The following NXPE4 variants were observed in gnomAD, a reference collection of about 807,000 sequenced individuals.
The protein encoded by NXPE4 is NXPE family member 4.
Under a neutral mutation model 33.3 loss-of-function variants are expected in NXPE4, and 42 were observed. That is an observed-to-expected ratio of 1.26 (90% confidence interval 0.98 to 1.63). The LOEUF (loss-of-function observed/expected upper bound fraction) is 1.63, where lower values mean the gene tolerates loss of function less well. Ranked by LOEUF, NXPE4 falls within the 40% of genes most tolerant of loss-of-function variation. NXPE4 has a pLI of 0.00. For synonymous variants in NXPE4, 253 were observed against 234.9 expected, an observed-to-expected ratio of 1.08 and a Z score of -0.71; for missense variants, 709 against 647.6, an observed-to-expected ratio of 1.09 and a Z score of -1.03.
At chr11:114,638,293 G>T in the NXPE4 span, among the ~76,000 whole-genome samples, 2 of 151,724 alleles carry the variant, frequency 1.3e-5, no homozygotes, top group African/African-American at 4.8e-5. Flanking sequence ...TGTAGTTCTC[G>T]AGCCTTGGTT....
At chr11:114,648,440 T>A in the NXPE4 span, among the ~76,000 whole-genome samples, 2 of 152,206 alleles carry the variant, frequency 1.3e-5, no homozygotes, top group African/African-American at 4.8e-5. Flanking sequence ...TTTGTTCTAT[T>A]CAGGCTTTCA....
intron 5 of NXPE4, among the ~76,000 whole-genome samples, chr11:114,577,197 C>G (rs919471609): frequency 2.0e-5 from 3 of 148,728 alleles, no homozygotes; most frequent in Non-Finnish European, 4.4e-5. Flanking sequence ...TATACACACA[C>G]ACTGTGGAAT....
chr11:114,656,797 T>C, the NXPE4 span, among the ~76,000 whole-genome samples: 1 of 152,022 alleles, frequency 6.6e-6, no homozygotes, highest in African/African-American at 2.4e-5. Context: ...AAATAGTAAC[T>C]AGTAGTAGTA....
chr11:114,608,975 C>T, the NXPE4 span, among the ~76,000 whole-genome samples: 3 of 151,866 alleles, frequency 2.0e-5, no homozygotes, highest in Admixed American at 6.6e-5. Flanking sequence ...AGTGTTGCCT[C>T]GTGGGTAACC....
chr11:114,633,328 T>C, the NXPE4 span, among the ~76,000 whole-genome samples: 1 of 141,894 alleles, frequency 7.0e-6, no homozygotes, highest in Non-Finnish European at 1.5e-5. Flanking sequence ...TATTATGTGG[T>C]ATTACATTTT....
the NXPE4 span, among the ~76,000 whole-genome samples, chr11:114,617,454 C>T: frequency 6.6e-6 from 1 of 152,004 alleles, no homozygotes; most frequent in East Asian, 1.9e-4. Context: ...TCGTGGATAA[C>T]CACTGTTATC....
intron 2 of NXPE4, among the ~76,000 whole-genome samples, chr11:114,588,590 C>T (rs1162654680): frequency 6.6e-6 from 1 of 152,126 alleles, no homozygotes; most frequent in Non-Finnish European, 1.5e-5. Context: ...CCATCATTCC[C>T]AATACGAAGA....
chr11:114,657,357 T>C, the NXPE4 span, among the ~76,000 whole-genome samples: 1 of 152,208 alleles, frequency 6.6e-6, no homozygotes, highest in African/African-American at 2.4e-5. Flanking sequence ...TACATCTTTA[T>C]TTTTCACTAA....
At chr11:114,583,046 G>T in intron 2 of NXPE4, 25 bp from the exon 3 acceptor site, 1 of 1,583,126 alleles carries the variant, frequency 6.3e-7, no homozygotes, top group South Asian at 1.2e-5. Flanking sequence ...AATGTGACAT[G>T]AGATGGATAA....
At chr11:114,667,014 C>T in the NXPE4 span, among the ~76,000 whole-genome samples, 2 of 152,104 alleles carry the variant, frequency 1.3e-5, no homozygotes, top group Admixed American at 6.6e-5. Flanking sequence ...CAACATCTAA[C>T]GTCCTCACTT....
the NXPE4 span, among the ~76,000 whole-genome samples, chr11:114,644,196 T>C: frequency 6.6e-6 from 1 of 152,166 alleles, no homozygotes; most frequent in African/African-American, 2.4e-5. Context: ...TCATGGCATC[T>C]GCAAACAGAG....
At position 114,580,190 on chromosome 11, in the gene NXPE4, G is replaced by A. The variant is rs765026612; in HGVS notation, c.1041C>T (p.Tyr347=). The part of the protein sequence containing the change: ...MKECLRGKLI[Y]LMGDSTIRQW... Reference sequence around the variant, plus strand: ...GGCGGATCGTGGAATCTCCCATTAGGTATATGAGTTTTCCTCTCAGGCATT... The same window carrying A: ...GGCGGATCGTGGAATCTCCCATTAGATATATGAGTTTTCCTCTCAGGCATT... The change falls in exon 5 of 6, where the codon TAC becomes TAT. Residue 347 remains tyrosine, a synonymous_variant. Transcript: ENST00000375478. 1 of 1,614,026 alleles carries A rather than the reference G, an allele frequency of 6.2e-7. No homozygotes were observed. The highest frequency in any genetic ancestry group is 1.1e-5 in the South Asian group (1 of 91,078).
chr11:114,635,926 C>A, the NXPE4 span, among the ~76,000 whole-genome samples: 1 of 151,974 alleles, frequency 6.6e-6, no homozygotes, highest in South Asian at 2.1e-4. Context: ...CTAAAATTCT[C>A]TTTTTTGGTG....
the NXPE4 span, among the ~76,000 whole-genome samples, chr11:114,638,037 T>C: frequency 2.6e-5 from 4 of 151,784 alleles, no homozygotes; most frequent in Non-Finnish European, 1.5e-5. Flanking sequence ...GAAGTTCTCC[T>C]GGATAATATC....
the NXPE4 span, among the ~76,000 whole-genome samples, chr11:114,601,277 T>C: frequency 6.7e-6 from 1 of 150,210 alleles, no homozygotes; most frequent in South Asian, 2.1e-4. Context: ...CAAAATCCAT[T>C]ATACCACTCT....
the NXPE4 span, among the ~76,000 whole-genome samples, chr11:114,647,005 C>T: frequency 4.6e-5 from 7 of 152,306 alleles, no homozygotes; most frequent in South Asian, 2.1e-4. Context: ...GAGACACTGA[C>T]GGCACACCTT....
chr11:114,590,125 C>T (rs1405154361), intron 2 of NXPE4, among the ~76,000 whole-genome samples: 2 of 152,184 alleles, frequency 1.3e-5, no homozygotes, highest in African/African-American at 4.8e-5. Flanking sequence ...TTTGGACAGG[C>T]ATTGTCAAAG....
At chr11:114,668,025 A>G in the NXPE4 span, among the ~76,000 whole-genome samples, 1 of 152,018 alleles carries the variant, frequency 6.6e-6, no homozygotes, top group Non-Finnish European at 1.5e-5. Flanking sequence ...TTGAGGTTCT[A>G]CAGGTACACA....
At chr11:114,583,118 C>G in intron 2 of NXPE4, 97 bp from the exon 3 acceptor site, 2 of 1,296,446 alleles carry the variant, frequency 1.5e-6, no homozygotes, top group South Asian at 1.5e-5. Context: ...TTAACATGTT[C>G]CTAGTCATTT....
Sources: allele counts gnomAD v4.1 joint callset (sites outside exome capture counted in the v4.1 genomes callset), GRCh38; gene constraint gnomAD v4.1.1; transcripts MANE v1.5; gene names NCBI Gene and HGNC (gene_info 2026-07-23, HGNC 2026-07-21).